The following IPCEF1 variants were observed in gnomAD, a reference collection of about 807,000 sequenced individuals.
IPCEF1 encodes interactor protein for cytohesin exchange factors 1.
In IPCEF1, 31 loss-of-function variants were observed where a neutral mutation model predicts 50.9. The ratio of observed to expected loss-of-function variants is 0.61; its 90% CI spans 0.46 to 0.82. The LOEUF (loss-of-function observed/expected upper bound fraction) is 0.82. IPCEF1 is among the 40% of genes least tolerant of loss of function. The pLI is 0.00. For synonymous variants in IPCEF1, 181 were observed against 192.0 expected, an observed-to-expected ratio of 0.94 and a Z score of 0.47; for missense variants, 458 against 514.0, an observed-to-expected ratio of 0.89 and a Z score of 1.05.
intron 1 of IPCEF1, among the ~76,000 whole-genome samples, chr6:154,322,378 A>ACT (rs1783405214): frequency 6.9e-6 from 1 of 144,464 alleles, no homozygotes; most frequent in African/African-American, 2.5e-5. Context: ...TTTTAAACAC[A>ACT]CACACACACA....
chr6:154,262,038 T>C (rs1016498105), intron 3 of IPCEF1, among the ~76,000 whole-genome samples: 41 of 152,178 alleles, frequency 2.7e-4, no homozygotes, highest in African/African-American at 9.7e-4. Flanking sequence ...AAAATTGAAC[T>C]AATTTTCTGA....
chr6:154,290,561 C>A (rs1019491052), intron 1 of IPCEF1, among the ~76,000 whole-genome samples: 1 of 152,172 alleles, frequency 6.6e-6, no homozygotes, highest in African/African-American at 2.4e-5. Context: ...CAATTGAATT[C>A]TTTCCTTCGA....
At chr6:154,260,621 C>T (rs147651064) in intron 3 of IPCEF1, among the ~76,000 whole-genome samples, 6 of 152,140 alleles carry the variant, frequency 3.9e-5, no homozygotes, top group East Asian at 1.9e-4. Context: ...TACAGGCACA[C>T]GCCACCACAC....
At chr6:154,253,314 A>G (rs1781382998) in intron 3 of IPCEF1, among the ~76,000 whole-genome samples, 1 of 152,198 alleles carries the variant, frequency 6.6e-6, no homozygotes. Context: ...CTGGGATTAC[A>G]GGCACGAGCC....
At chr6:154,292,688 A>T (rs1782544171) in intron 1 of IPCEF1, among the ~76,000 whole-genome samples, 2 of 152,202 alleles carry the variant, frequency 1.3e-5, no homozygotes, top group Non-Finnish European at 2.9e-5. Context: ...TTGTTGTGTT[A>T]AACTACAAGG....
chr6:154,262,130 A>G (rs182702204), intron 3 of IPCEF1, among the ~76,000 whole-genome samples: 2 of 152,246 alleles, frequency 1.3e-5, no homozygotes, highest in Non-Finnish European at 2.9e-5. Context: ...CCGCCCAGAC[A>G]CTGACGGCTG....
At chr6:154,180,220 A>C (rs1262951644) in intron 10 of IPCEF1, among the ~76,000 whole-genome samples, 1 of 152,008 alleles carries the variant, frequency 6.6e-6, no homozygotes, top group Non-Finnish European at 1.5e-5. Context: ...AGTTGGTGCG[A>C]ATTTGGGTTA....
intron 2 of IPCEF1, among the ~76,000 whole-genome samples, chr6:154,276,245 AGGTG>A (rs1383302123): frequency 1.3e-5 from 2 of 149,740 alleles, no homozygotes; most frequent in Non-Finnish European, 3.0e-5. Flanking sequence ...GAAAGAGAAA[AGGTG>A]GGAGGGAGGG....
intron 1 of IPCEF1, among the ~76,000 whole-genome samples, chr6:154,326,099 G>A (rs969011914): frequency 5.3e-5 from 8 of 152,010 alleles, no homozygotes; most frequent in African/African-American, 1.7e-4. Context: ...GGTGGTGTGT[G>A]CCTGTGGTCC....
In IPCEF1 at chr6:154,263,450, AAG is replaced by A. The variant is rs1781657563; in HGVS notation, c.36+2460_36+2461del. On this transcript the variant is annotated intron_variant, in intron 3 of 11. Transcript: ENST00000367220. ...AGATTAGGGAGTGGTGATGACTCTT[AAG>A]GAGCATGCTGCCTTCAAGCATCTGT... Among the ~76,000 whole-genome samples the A allele has an allele frequency of 7.9e-5, 10 of 126,208 alleles. 1 individual carries two copies. In the Middle Eastern group the frequency reaches 0.018, roughly 230 times the overall value. The allele number at this position is 126,208 out of a possible 152,430, so 82.8% of individuals were successfully genotyped here.
chr6:154,331,405 A>AAGAGAGAGAGAGAAAAAGAAAGAG (rs796267175), intron 1 of IPCEF1, among the ~76,000 whole-genome samples: 1 of 92,948 alleles, frequency 1.1e-5, no homozygotes, highest in South Asian at 3.5e-4. Flanking sequence ...GAAAGAAAGA[A>AAGAGAGAGAGAGAAAAAGAAAGAG]AGAGAGAGAA....
intron 5 of IPCEF1, among the ~76,000 whole-genome samples, chr6:154,237,820 A>T (rs1487529025): frequency 6.6e-6 from 1 of 152,080 alleles, no homozygotes; most frequent in Non-Finnish European, 1.5e-5. Context: ...ATACACATGC[A>T]TATCTATATA....
At chr6:154,224,044 A>G (rs1378889027) in intron 5 of IPCEF1, among the ~76,000 whole-genome samples, 2 of 152,222 alleles carry the variant, frequency 1.3e-5, no homozygotes, top group African/African-American at 4.8e-5. Flanking sequence ...CTGAGCCACA[A>G]CAAAGCTAGA....
chr6:154,258,128 C>T (rs1781507986), intron 3 of IPCEF1, among the ~76,000 whole-genome samples: 1 of 152,230 alleles, frequency 6.6e-6, no homozygotes, highest in South Asian at 2.1e-4. Flanking sequence ...GGTCAAATGG[C>T]ACCTCCACTA....
chr6:154,206,194 A>G (rs1365679297), intron 9 of IPCEF1, among the ~76,000 whole-genome samples: 1 of 152,216 alleles, frequency 6.6e-6, no homozygotes, highest in Non-Finnish European at 1.5e-5. Flanking sequence ...CATGAAACAT[A>G]AGCAGCTTGC....
chr6:154,206,462 A>C (rs1777503720), intron 9 of IPCEF1, among the ~76,000 whole-genome samples: 2 of 152,354 alleles, frequency 1.3e-5, no homozygotes, highest in Admixed American at 6.5e-5. Flanking sequence ...ATTTAGTTTC[A>C]AATGTGTGCT....
At chr6:154,249,180 G>A (rs1463371349) in intron 3 of IPCEF1, among the ~76,000 whole-genome samples, 1 of 152,052 alleles carries the variant, frequency 6.6e-6, no homozygotes, top group East Asian at 1.9e-4. Flanking sequence ...TCATGAAAAG[G>A]ACCTAGTCTC....
At chr6:154,284,164 A>G (rs962394144) in intron 2 of IPCEF1, among the ~76,000 whole-genome samples, 1 of 152,242 alleles carries the variant, frequency 6.6e-6, no homozygotes, top group Non-Finnish European at 1.5e-5. Flanking sequence ...GGGAAAAAAG[A>G]AAGTACCATT....
Position 154,183,183 on chromosome 6 carries a change from G to A in IPCEF1, c.911-15070C>T, listed in dbSNP as rs188691965. 3.6e-3 allele frequency among the ~76,000 whole-genome samples: 544 copies of A among 152,018 alleles called. 3 individuals are homozygous for A. The highest frequency in any genetic ancestry group is 0.013 in the African/African-American group (528 of 41,464). On this transcript the variant is annotated intron_variant, in intron 10 of 11. Transcript: ENST00000367220. ...TTTAGTAGAGACGGGGTTTCACTGT[G>A]TTAGCAAGGATGGTCTCGATCTCCT... is the stretch of plus-strand genomic sequence containing the variant.
Sources: gnomAD v4.1 joint callset for allele counts (sites outside exome capture counted in the v4.1 genomes callset) on GRCh38, gnomAD v4.1.1 for gene constraint, MANE v1.5 for transcripts, NCBI Gene and HGNC (gene_info 2026-07-23, HGNC 2026-07-21) for gene names.